The following SLC33A1 variants were observed in gnomAD, a reference collection of about 807,000 sequenced individuals.
The protein encoded by SLC33A1 is acetyl-coenzyme A transporter 1.
SLC33A1 carries 20 observed loss-of-function variants against 50.0 expected under a neutral mutation model. The observed-to-expected ratio is 0.40, with a 90% CI of 0.28 to 0.58. The LOEUF is 0.58. SLC33A1 is among the 20% of genes least tolerant of loss of function. The pLI, the probability that SLC33A1 is intolerant of heterozygous loss-of-function variation, is 0.44. For synonymous variants in SLC33A1, 265 were observed against 251.8 expected, an observed-to-expected ratio of 1.05 and a Z score of -0.50; for missense variants, 476 against 657.0, an observed-to-expected ratio of 0.72 and a Z score of 3.01.
In SLC33A1 at chr3:155,853,424, T is replaced by C. The variant is rs760828893; in HGVS notation, c.574A>G (p.Thr192Ala). Residue 192 changes from threonine (T) to alanine (A), a missense_variant, in exon 1 of 6, where the codon ACT (threonine) becomes GCT (alanine). Coordinates refer to ENST00000643144, the MANE Select transcript of SLC33A1 (RefSeq NM_004733.4). ...AFFLFEFLAATQDIAVDGWAL... is the reference protein window; with the variant it reads ...AFFLFEFLAAAQDIAVDGWAL... ...CAACCATCGACGGCAATGTCCTGAG[T>C]GGCGGCCAAGAATTCAAACAAAAAG... The C allele has an allele frequency of 1.6e-5, 26 of 1,613,942 alleles. No individual in the cohort carries two copies. The highest frequency in any genetic ancestry group is 1.9e-5 in the Non-Finnish European group (22 of 1,180,054).
intron 2 of SLC33A1, among the ~76,000 whole-genome samples, chr3:155,838,814 C>G (rs2107968252): frequency 6.6e-6 from 1 of 151,840 alleles, no homozygotes; most frequent in South Asian, 2.1e-4. Context: ...CATGCCACAG[C>G]ACTCCAGTCT....
In SLC33A1 at chr3:155,833,937, C is replaced by T. The variant is rs886058108; in HGVS notation, c.1068G>A (p.Gln356=). The change falls in exon 3 of 6, where the codon CAG becomes CAA. Residue 356 remains glutamine (Q), a synonymous_variant. Coordinates refer to ENST00000643144, the MANE Select transcript of SLC33A1 (RefSeq NM_004733.4). ...ALLAVPMVPL[Q]IILPLIISKY... Reference sequence around the variant, plus strand: ...TGCTGATAATCAGAGGCAGTATTATCTGCAAAGGAACCATTGGAACTGCCA... The same window carrying T: ...TGCTGATAATCAGAGGCAGTATTATTTGCAAAGGAACCATTGGAACTGCCA... 5 of 1,613,820 alleles carry T rather than the reference C, an allele frequency of 3.1e-6. No homozygotes were observed. Among genetic ancestry groups the T allele is most frequent in the Non-Finnish European group, 4.2e-6 (5 of 1,179,814 alleles).
chr3:155,847,949 TTCTC>T (rs1753244223), intron 1 of SLC33A1, among the ~76,000 whole-genome samples: 1 of 152,192 alleles, frequency 6.6e-6, no homozygotes, highest in Admixed American at 6.5e-5. Context: ...TTTAGCTTCC[TTCTC>T]TGTCATTAAA....
intron 1 of SLC33A1, among the ~76,000 whole-genome samples, chr3:155,845,781 A>G (rs1753145202): frequency 6.6e-6 from 1 of 152,232 alleles, no homozygotes; most frequent in African/African-American, 2.4e-5. Flanking sequence ...GCCAACAACC[A>G]TAAAGAAACA....
intron 2 of SLC33A1, 102 bp from the exon 3 acceptor site, chr3:155,834,143 C>T: frequency 1.2e-6 from 1 of 822,166 alleles, no homozygotes; most frequent in Non-Finnish European, 2.0e-6. Flanking sequence ...ATTACTGACC[C>T]ATGACAGTTA....
rs1302446606 is a variant in SLC33A1, at chr3:155,833,992, T to G, written c.1013A>C (p.Glu338Ala). The change falls in exon 3 of 6, where the codon GAG (glutamate) becomes GCG (alanine). Residue 338 changes from glutamate (E) to alanine (A), a missense_variant. Glu to Ala is a moderately radical substitution (Grantham distance 107). Transcript: ENST00000643144. ...GGCTAAATGTTCTTTGGGTACTCCC[T>G]CTTCTACCAATTTCAGTCCTGTTAC... ...DAVTGLKLVE[E>A]GVPKEHLALL... The G allele has an allele frequency of 6.2e-7, 1 of 1,613,882 alleles. No individual in the cohort carries two copies. The highest frequency in any genetic ancestry group is 8.5e-7 in the Non-Finnish European group (1 of 1,179,900).
intron 5 of SLC33A1, among the ~76,000 whole-genome samples, chr3:155,828,820 G>C (rs1752292083): frequency 1.3e-5 from 2 of 151,994 alleles, no homozygotes; most frequent in African/African-American, 4.8e-5. Context: ...GAACTCCTGG[G>C]CTCAAGCAAT....
rs535167668 is a variant in SLC33A1 at position 155,851,614 on chromosome 3, C to T, written c.775+1609G>A. Among the ~76,000 whole-genome samples, 8 of 149,910 alleles carry T rather than the reference C, an allele frequency of 5.3e-5. No individual in the cohort carries two copies. The South Asian group carries it at 6.3e-4, about 12-fold the overall frequency. ...AGACAGAGTCTCAAAAATGGGGTTT[C>T]GCCATGCTGGCCAGGCTGGTCTCAA... is the stretch of plus-strand genomic sequence containing the variant. On this transcript the variant is annotated intron_variant, in intron 1 of 5. Transcript: ENST00000643144.
chr3:155,833,432 A>G (rs1171193783), intron 4 of SLC33A1, 36 bp downstream of exon 4: 8 of 959,174 alleles, frequency 8.3e-6, no homozygotes, highest in Non-Finnish European at 1.4e-5. Context: ...TTTACACAGA[A>G]CAGTTTATTT....
chr3:155,837,551 T>C (rs1752732307), intron 2 of SLC33A1, among the ~76,000 whole-genome samples: 2 of 152,112 alleles, frequency 1.3e-5, no homozygotes, highest in Admixed American at 1.3e-4. Context: ...ATGAGAAATG[T>C]GCACCTATCT....
At chr3:155,842,411 T>G in intron 2 of SLC33A1, 21 bp downstream of exon 2, 2 of 1,524,320 alleles carry the variant, frequency 1.3e-6, no homozygotes, top group Non-Finnish European at 1.8e-6. Flanking sequence ...AAATGATAAA[T>G]TTGATTTATA....
chr3:155,849,670 A>G (rs1043964760), intron 1 of SLC33A1, among the ~76,000 whole-genome samples: 1 of 151,730 alleles, frequency 6.6e-6, no homozygotes, highest in Non-Finnish European at 1.5e-5. Context: ...CACTTTGGGA[A>G]GCCGAGGTGA....
intron 4 of SLC33A1, among the ~76,000 whole-genome samples, chr3:155,831,912 C>T (rs552298732): frequency 1.2e-4 from 19 of 152,246 alleles, no homozygotes; most frequent in Middle Eastern, 3.4e-3. Context: ...CATATTTTTA[C>T]GTTTCAGTTA....
At chr3:155,830,208 CAA>C (rs1182731725) in intron 4 of SLC33A1, among the ~76,000 whole-genome samples, 32 of 105,352 alleles carry the variant, frequency 3.0e-4, no homozygotes, top group Middle Eastern at 4.6e-3. Context: ...CTGAAAAATA[CAA>C]AAAAAAAAAA....
chr3:155,833,809 T>A (rs1282800814), intron 3 of SLC33A1, 48 bp downstream of exon 3: 2 of 1,403,896 alleles, frequency 1.4e-6, no homozygotes, highest in East Asian at 2.3e-5. Flanking sequence ...TGATGAATGT[T>A]CCTCATTTTA....
In SLC33A1 at chr3:155,854,356, C is replaced by T. The variant is rs893579409; in HGVS notation, c.-359G>A. On this transcript the variant is annotated 5_prime_UTR_variant, in exon 1 of 6. An upstream open reading frame in the 5' UTR gains an earlier in-frame stop. Transcript: ENST00000643144. The stretch of plus-strand genomic sequence containing the variant: ...GGGATCGAACGGCTGGTCTCCCGAC[C>T]CAACACCTCCAGCTCTCGCTGCTAT... The T allele has an allele frequency of 1.9e-5, 4 of 215,258 alleles. No homozygotes were observed. Among genetic ancestry groups the T allele is most frequent in the Non-Finnish European group, 3.7e-5 (4 of 108,794 alleles). The allele number at this position is 215,258 out of a possible 1,614,324, so 13.3% of individuals were successfully genotyped here.
intron 4 of SLC33A1, among the ~76,000 whole-genome samples, chr3:155,833,255 A>T (rs541148280): frequency 6.6e-5 from 10 of 152,296 alleles, no homozygotes; most frequent in South Asian, 2.1e-4. Context: ...TCTTGGGAAA[A>T]AAATAAATAA....
chr3:155,845,426 A>C (rs1753130342), intron 1 of SLC33A1, among the ~76,000 whole-genome samples: 1 of 152,154 alleles, frequency 6.6e-6, no homozygotes, highest in East Asian at 1.9e-4. Flanking sequence ...TCCTAGGCTC[A>C]AGTGATCCTT....
intron 4 of SLC33A1, among the ~76,000 whole-genome samples, 167 bp downstream of exon 4, chr3:155,833,301 C>T (rs527465299): frequency 1.3e-4 from 20 of 152,250 alleles, no homozygotes; most frequent in African/African-American, 4.3e-4. Context: ...AACAGCAGAA[C>T]TCATTAAGTG....
Sources: gnomAD v4.1 joint callset for allele counts (sites outside exome capture counted in the v4.1 genomes callset) on GRCh38, gnomAD v4.1.1 for gene constraint, MANE v1.5 for transcripts, NCBI Gene and HGNC (gene_info 2026-07-23, HGNC 2026-07-21) for gene names.